Variants in SGMS1 observed in about 807,000 individuals in gnomAD.
SGMS1 encodes the protein sphingomyelin synthase 1.
Under a neutral mutation model 46.2 loss-of-function variants are expected in SGMS1, and 13 were observed. The observed-to-expected ratio is 0.28, with a 90% CI of 0.18 to 0.45. The LOEUF is 0.45. Ranked by LOEUF, SGMS1 falls within the 20% of genes least tolerant of loss-of-function variation. The pLI, the probability that SGMS1 is intolerant of heterozygous loss-of-function variation, is 1.00. For missense variants in SGMS1, 324 were observed against 519.9 expected (o/e 0.62, Z 3.66); for synonymous variants, 203 against 187.8 (o/e 1.08, Z -0.66).
chr10:50,573,646 C>T (rs960494232), intron 2 of SGMS1, among the ~76,000 whole-genome samples: 1 of 152,026 alleles, frequency 6.6e-6, no homozygotes, highest in African/African-American at 2.4e-5. Flanking sequence ...AAATTTTTTA[C>T]AGGAATAGAA....
intron 1 of SGMS1, among the ~76,000 whole-genome samples, chr10:50,608,518 C>T (rs975407538): frequency 6.6e-6 from 1 of 152,334 alleles, no homozygotes; most frequent in Non-Finnish European, 1.5e-5. Flanking sequence ...ACTCCTCAAA[C>T]ACTGTGCTGA....
intron 7 of SGMS1, among the ~76,000 whole-genome samples, chr10:50,338,801 G>A (rs1847761529): frequency 6.7e-6 from 1 of 149,642 alleles, no homozygotes; most frequent in Non-Finnish European, 1.5e-5. Context: ...GTGCAATGCT[G>A]CGATCTCAGC....
At chr10:50,549,709 T>TA (rs1342691682) in intron 2 of SGMS1, among the ~76,000 whole-genome samples, 9 of 152,148 alleles carry the variant, frequency 5.9e-5, no homozygotes, top group South Asian at 4.1e-4. Flanking sequence ...GAAAAAAAGG[T>TA]AAAAAAAATT....
intron 2 of SGMS1, among the ~76,000 whole-genome samples, chr10:50,564,099 A>G (rs1838267149): frequency 6.6e-6 from 1 of 152,260 alleles, no homozygotes; most frequent in Non-Finnish European, 1.5e-5. Context: ...TGACAGCCAC[A>G]TTAGCACAGA....
chr10:50,514,828 A>G (rs1255390800), intron 3 of SGMS1, among the ~76,000 whole-genome samples: 1 of 151,572 alleles, frequency 6.6e-6, no homozygotes, highest in Non-Finnish European at 1.5e-5. Flanking sequence ...ACAGACTATC[A>G]GTAGATCTTC....
At chr10:50,557,657 G>C (rs1371303271) in intron 2 of SGMS1, among the ~76,000 whole-genome samples, 3 of 132,840 alleles carry the variant, frequency 2.3e-5, no homozygotes, top group Non-Finnish European at 3.2e-5. Context: ...ATCTGAACTA[G>C]CAAAAATAAA....
intron 2 of SGMS1, among the ~76,000 whole-genome samples, chr10:50,539,512 T>G (rs7893884): frequency 0.3 from 44,976 of 152,180 alleles, 7,634 homozygotes; most frequent in East Asian, 0.64. Flanking sequence ...CAGTATACAC[T>G]AAGTATTATA....
chr10:50,564,160 G>A (rs1428991382), intron 2 of SGMS1, among the ~76,000 whole-genome samples: 2 of 152,192 alleles, frequency 1.3e-5, no homozygotes, highest in African/African-American at 4.8e-5. Context: ...TGGCTTTCCT[G>A]AATCCACAGG....
chr10:50,393,698 C>T (rs565366824), intron 6 of SGMS1, among the ~76,000 whole-genome samples: 16 of 152,284 alleles, frequency 1.1e-4, no homozygotes, highest in Admixed American at 9.8e-4. Context: ...CTAGAGGTAT[C>T]TACAGAGACT....
At chr10:50,524,148 C>A (rs1405674474) in intron 2 of SGMS1, among the ~76,000 whole-genome samples, 1 of 152,092 alleles carries the variant, frequency 6.6e-6, no homozygotes, top group African/African-American at 2.4e-5. Flanking sequence ...CCTTTTGTAC[C>A]CCTCACTGTC....
intron 1 of SGMS1, among the ~76,000 whole-genome samples, chr10:50,598,928 A>G (rs1838622211): frequency 6.6e-6 from 1 of 152,250 alleles, no homozygotes; most frequent in Non-Finnish European, 1.5e-5. Context: ...AATAGTATAC[A>G]TCTGCACAAA....
chr10:50,617,439 A>G (rs1838808643), intron 1 of SGMS1, among the ~76,000 whole-genome samples: 1 of 152,202 alleles, frequency 6.6e-6, no homozygotes, highest in African/African-American at 2.4e-5. Context: ...AAAGGGGCCC[A>G]AGGGCAATTT....
chr10:50,473,306 A>C lies in SGMS1; in HGVS notation c.-497-6374T>G, dbSNP rs190275245. ...CAGTATATAATCCAGCAATTTAATAAATATTTTTAAAACTAAATGCCTTGC... is the reference window on the plus strand; with the variant it reads ...CAGTATATAATCCAGCAATTTAATACATATTTTTAAAACTAAATGCCTTGC... On this transcript the variant is annotated intron_variant, in intron 3 of 10. Coordinates refer to ENST00000361781, the MANE Select transcript of SGMS1 (RefSeq NM_147156.4). 3.9e-5 allele frequency among the ~76,000 whole-genome samples: 6 copies of C among 152,326 alleles called. No individual in the cohort carries two copies. The East Asian group carries it at 1.2e-3, about 29-fold the overall frequency.
chr10:50,461,364 CTAGAGA>C (rs761357819), intron 4 of SGMS1, among the ~76,000 whole-genome samples: 74 of 152,108 alleles, frequency 4.9e-4, no homozygotes, highest in Middle Eastern at 3.4e-3. Flanking sequence ...AATCAGGAAG[CTAGAGA>C]TAATGTCTTG....
chr10:50,577,303 C>A (rs1358752729), intron 2 of SGMS1, among the ~76,000 whole-genome samples: 1 of 152,184 alleles, frequency 6.6e-6, no homozygotes, highest in East Asian at 1.9e-4. Context: ...GCAATAAAAA[C>A]CCTTGTCTAT....
intron 6 of SGMS1, among the ~76,000 whole-genome samples, chr10:50,395,138 T>C (rs1848830264): frequency 1.3e-5 from 2 of 152,238 alleles, no homozygotes; most frequent in East Asian, 3.9e-4. Context: ...ATCATACTGA[T>C]TTTGTGTGTG....
chr10:50,403,763 A>G (rs1848972943), intron 6 of SGMS1, among the ~76,000 whole-genome samples: 1 of 149,066 alleles, frequency 6.7e-6, no homozygotes, highest in African/African-American at 2.5e-5. Context: ...ATGTCTTAAG[A>G]ATAATTTTGC....
At chr10:50,350,421 T>C (rs1189405033) in intron 6 of SGMS1, among the ~76,000 whole-genome samples, 1 of 152,222 alleles carries the variant, frequency 6.6e-6, no homozygotes. Context: ...TCAAGCTGGC[T>C]GCAGAAATTT....
At chr10:50,587,964 G>C (rs891881327) in intron 2 of SGMS1, among the ~76,000 whole-genome samples, 1 of 152,066 alleles carries the variant, frequency 6.6e-6, no homozygotes. Flanking sequence ...TCAGTAGAAA[G>C]TTTTTTAAAA....
Sources: gnomAD v4.1 joint callset for allele counts (sites outside exome capture counted in the v4.1 genomes callset) on GRCh38, gnomAD v4.1.1 for gene constraint, MANE v1.5 for transcripts, NCBI Gene and HGNC (gene_info 2026-07-23, HGNC 2026-07-21) for gene names.